DPP10: variants seen among roughly 807,000 people sequenced by gnomAD.
DPP10 encodes dipeptidyl peptidase like 10.
A neutral mutation model predicts 120.9 loss-of-function variants in DPP10; 33 were observed. The ratio of observed to expected loss-of-function variants is 0.27; its 90% CI spans 0.21 to 0.37. The LOEUF (loss-of-function observed/expected upper bound fraction) is 0.37. DPP10 is among the 10% of genes least tolerant of loss of function. The pLI is 1.00. For synonymous variants in DPP10, 337 were observed against 326.1 expected, an observed-to-expected ratio of 1.03 and a Z score of -0.36; for missense variants, 816 against 942.8, an observed-to-expected ratio of 0.87 and a Z score of 1.76.
rs777443074 is a variant in DPP10 at position 115,836,139 on chromosome 2, TA to T, written c.1951-17del. Reference sequence around the variant, plus strand: ...TGTGAGATATATATATATATATATATATATTTTTCCCCCCCAGGGTTATGGT... The same window carrying T: ...TGTGAGATATATATATATATATATATTATTTTTCCCCCCCAGGGTTATGGT... On this transcript the variant is annotated splice_polypyrimidine_tract_variant and intron_variant, in intron 21 of 25. Transcript: ENST00000410059. 9.0e-5 allele frequency: 119 copies of T among 1,322,780 alleles called. No homozygotes were observed. The highest frequency in any genetic ancestry group is 1.9e-4 in the Middle Eastern group (1 of 5,258). The allele number at this position is 1,322,780 out of a possible 1,614,324, so 81.9% of individuals were successfully genotyped here.
At chr2:115,228,963 A>T (rs963627474) in intron 1 of DPP10, among the ~76,000 whole-genome samples, 1 of 152,170 alleles carries the variant, frequency 6.6e-6, no homozygotes, top group African/African-American at 2.4e-5. Flanking sequence ...ACTGTTTGCC[A>T]TAGTGCTTGT....
At chr2:115,429,848 CTG>C (rs1227028828) in intron 3 of DPP10, among the ~76,000 whole-genome samples, 1 of 152,152 alleles carries the variant, frequency 6.6e-6, no homozygotes, top group African/African-American at 2.4e-5. Flanking sequence ...TTTTCACACT[CTG>C]TTGAAAAAGT....
At chr2:114,764,540 G>A (rs977718056) in intron 1 of DPP10, among the ~76,000 whole-genome samples, 3 of 151,706 alleles carry the variant, frequency 2.0e-5, no homozygotes, top group African/African-American at 7.3e-5. Flanking sequence ...TCAGTAAAAT[G>A]GAAGTACTGG....
At chr2:115,306,000 T>C (rs1208566483) in intron 1 of DPP10, among the ~76,000 whole-genome samples, 1 of 152,048 alleles carries the variant, frequency 6.6e-6, no homozygotes, top group Non-Finnish European at 1.5e-5. Context: ...TTTCTTATCA[T>C]ATACTTAGGT....
chr2:114,956,061 CT>C (rs1698178077), intron 1 of DPP10, among the ~76,000 whole-genome samples: 2 of 152,054 alleles, frequency 1.3e-5, no homozygotes, highest in Non-Finnish European at 2.9e-5. Flanking sequence ...ACTCTCACCA[CT>C]TTTATTCAAC....
chr2:115,837,352 A>G (rs536350956), intron 24 of DPP10, among the ~76,000 whole-genome samples: 1 of 152,330 alleles, frequency 6.6e-6, no homozygotes, highest in East Asian at 1.9e-4. Context: ...CTTAGGGACC[A>G]AAGAATCTAT....
intron 1 of DPP10, among the ~76,000 whole-genome samples, chr2:115,300,443 A>G (rs1260722762): frequency 6.6e-6 from 1 of 152,064 alleles, no homozygotes; most frequent in Non-Finnish European, 1.5e-5. Flanking sequence ...ATACATACAC[A>G]CACAGGCATA....
At chr2:115,202,938 C>T (rs1017683227) in intron 1 of DPP10, among the ~76,000 whole-genome samples, 4 of 151,438 alleles carry the variant, frequency 2.6e-5, no homozygotes, top group Non-Finnish European at 5.9e-5. Flanking sequence ...CTTTTACAAA[C>T]GTTGAGAAAC....
At chr2:114,555,784 T>G (rs766656271) in intron 1 of DPP10, among the ~76,000 whole-genome samples, 1 of 152,192 alleles carries the variant, frequency 6.6e-6, no homozygotes, top group East Asian at 1.9e-4. Flanking sequence ...TATTGCTTTA[T>G]TGAGCAATGC....
chr2:115,673,367 A>G (rs1018906224), intron 5 of DPP10, among the ~76,000 whole-genome samples: 6 of 152,236 alleles, frequency 3.9e-5, no homozygotes, highest in African/African-American at 1.4e-4. Flanking sequence ...GGAATAACAT[A>G]GGCTAAAATA....
intron 21 of DPP10, among the ~76,000 whole-genome samples, chr2:115,825,907 G>A (rs753867752): frequency 6.6e-6 from 1 of 152,166 alleles, no homozygotes; most frequent in African/African-American, 2.4e-5. Flanking sequence ...GGCAGAAGAG[G>A]CTGGTTTTAT....
At chr2:114,778,146 T>A (rs1473322004) in intron 1 of DPP10, among the ~76,000 whole-genome samples, 1 of 152,092 alleles carries the variant, frequency 6.6e-6, no homozygotes, top group Admixed American at 6.5e-5. Context: ...GGTATTAGCA[T>A]CATCATTATC....
At chr2:115,145,806 G>A (rs1056974311) in intron 1 of DPP10, among the ~76,000 whole-genome samples, 1 of 152,044 alleles carries the variant, frequency 6.6e-6, no homozygotes, top group Non-Finnish European at 1.5e-5. Context: ...ATTCGTGTCA[G>A]AATTTAGTGT....
intron 1 of DPP10, among the ~76,000 whole-genome samples, chr2:115,220,313 T>C (rs1429611114): frequency 1.3e-5 from 2 of 152,192 alleles, no homozygotes; most frequent in African/African-American, 4.8e-5. Context: ...TATGAGTCAG[T>C]GTGAAACAGT....
intron 1 of DPP10, among the ~76,000 whole-genome samples, chr2:114,663,658 T>TAGAG (rs1385374204): frequency 2.4e-3 from 220 of 91,186 alleles, no homozygotes; most frequent in South Asian, 4.0e-3. Flanking sequence ...TATATATATA[T>TAGAG]ATATATATAT....
intron 1 of DPP10, among the ~76,000 whole-genome samples, chr2:114,947,296 A>T (rs946120672): frequency 2.7e-5 from 4 of 149,856 alleles, no homozygotes; most frequent in Non-Finnish European, 5.9e-5. Context: ...ACAAATTTTA[A>T]TTTTTTTTTC....
At chr2:114,700,182 A>T (rs1238944683) in intron 1 of DPP10, among the ~76,000 whole-genome samples, 1 of 152,058 alleles carries the variant, frequency 6.6e-6, no homozygotes, top group East Asian at 1.9e-4. Context: ...TCAAATAAAA[A>T]CTGGGGAAGT....
At chr2:114,855,571 G>C (rs1558812429) in intron 1 of DPP10, among the ~76,000 whole-genome samples, 1 of 152,122 alleles carries the variant, frequency 6.6e-6, no homozygotes, top group African/African-American at 2.4e-5. Flanking sequence ...TTCTCTGTAT[G>C]ACAACATTAA....
At chr2:115,763,453 T>G (rs536161087) in intron 12 of DPP10, among the ~76,000 whole-genome samples, 7 of 152,252 alleles carry the variant, frequency 4.6e-5, no homozygotes, top group African/African-American at 1.7e-4. Flanking sequence ...TTCTTAATTT[T>G]TATCTTAGGA....
Sources: gnomAD v4.1 joint callset for allele counts (sites outside exome capture counted in the v4.1 genomes callset) on GRCh38, gnomAD v4.1.1 for gene constraint, MANE v1.5 for transcripts, NCBI Gene and HGNC (gene_info 2026-07-23, HGNC 2026-07-21) for gene names.